Variants in NHEJ1 observed in about 807,000 individuals in gnomAD.
The protein encoded by NHEJ1 is non-homologous end joining factor 1, also known as non-homologous end-joining factor 1.
A neutral mutation model predicts 39.4 loss-of-function variants in NHEJ1; 22 were observed. The observed-to-expected ratio is 0.56, with a 90% CI of 0.40 to 0.80. The LOEUF (loss-of-function observed/expected upper bound fraction) is 0.80, where lower values mean the gene tolerates loss of function less well. Ranked by LOEUF, NHEJ1 falls within the 30% of genes least tolerant of loss-of-function variation. The pLI is 0.00. For synonymous variants in NHEJ1, 154 were observed against 135.6 expected (o/e 1.14, Z -0.94); for missense variants, 329 against 357.1 (o/e 0.92, Z 0.63).
chr2:219,157,516 G>A lies in NHEJ1; in HGVS notation c.346C>T (p.Pro116Ser). The change falls in exon 3 of 8, where the codon CCC (proline) becomes TCC (serine). Residue 116 changes from proline to serine, a missense_variant. Pro to Ser is a moderately conservative substitution (Grantham distance 74). Coordinates refer to ENST00000356853, the MANE Select transcript of NHEJ1 (RefSeq NM_024782.3). ...LRVRSELSGLPFYWNFHCMLA... is the reference protein window; with the variant it reads ...LRVRSELSGLSFYWNFHCMLA... ...ATGCAGTGGAAATTCCAATAGAAGG[G>A]GAGGCCAGAGAGCTCACTTCGCACC... 4 of 1,614,124 alleles carry A rather than the reference G, an allele frequency of 2.5e-6. No homozygotes were observed. The highest frequency in any genetic ancestry group is 3.4e-6 in the Non-Finnish European group (4 of 1,180,036).
chr2:219,146,879 G>A (rs1574741525), intron 4 of NHEJ1, 141 bp from the exon 5 acceptor site: 1 of 696,558 alleles, frequency 1.4e-6, no homozygotes, highest in East Asian at 2.7e-5. Context: ...AGTGGGAGAA[G>A]AAGGGCTGAG....
At chr2:219,076,661 A>C (rs1341156572) in intron 7 of NHEJ1, among the ~76,000 whole-genome samples, 5 of 146,236 alleles carry the variant, frequency 3.4e-5, no homozygotes, top group Non-Finnish European at 7.4e-5. Flanking sequence ...CGCCTGTCTC[A>C]GCCTCCAAAG....
intron 5 of NHEJ1, among the ~76,000 whole-genome samples, chr2:219,133,494 TCTG>T (rs1406966401): frequency 5.3e-5 from 8 of 152,198 alleles, no homozygotes; most frequent in Admixed American, 1.3e-4. Flanking sequence ...GCAAGACAGT[TCTG>T]CTCTTAAGAA....
At chr2:219,110,818 G>A (rs1380360322) in intron 5 of NHEJ1, among the ~76,000 whole-genome samples, 2 of 152,084 alleles carry the variant, frequency 1.3e-5, no homozygotes, top group East Asian at 1.9e-4. Flanking sequence ...GAAACAGGAA[G>A]GAGGCGGCCA....
intron 1 of NHEJ1, 117 bp downstream of exon 1, chr2:219,160,603 C>T (rs1269120449): frequency 1.3e-5 from 2 of 151,756 alleles, no homozygotes; most frequent in Admixed American, 6.6e-5. Flanking sequence ...CTGCCCTGGA[C>T]CCCGGCAGCG....
intron 5 of NHEJ1, among the ~76,000 whole-genome samples, chr2:219,121,014 T>A (rs1432639589): frequency 1.3e-5 from 2 of 152,100 alleles, no homozygotes; most frequent in African/African-American, 2.4e-5. Context: ...CTGACCAACA[T>A]GGTGAAACCC....
chr2:219,085,466 T>A (rs764764834), intron 5 of NHEJ1, among the ~76,000 whole-genome samples: 1 of 152,196 alleles, frequency 6.6e-6, no homozygotes, highest in African/African-American at 2.4e-5. Flanking sequence ...AAGGTCCGAA[T>A]GTGAAACTGA....
intron 5 of NHEJ1, among the ~76,000 whole-genome samples, chr2:219,131,531 G>A (rs1041452395): frequency 1.3e-5 from 2 of 152,150 alleles, no homozygotes; most frequent in African/African-American, 4.8e-5. Context: ...GCTTCAGGGG[G>A]TAGTTTACAT....
In NHEJ1 at chr2:219,121,570, G is replaced by C. The variant is rs566547114; in HGVS notation, c.588+25110C>G. Among the ~76,000 whole-genome samples, 12 of 152,252 alleles carry C rather than the reference G, an allele frequency of 7.9e-5. No individual in the cohort carries two copies. In the East Asian group the frequency reaches 1.9e-3, roughly 24 times the overall value. On this transcript the variant is annotated intron_variant, in intron 5 of 7. Transcript: ENST00000356853. ...AAAACCTCAAGAGCAGCTGGACACA[G>C]TGGCTCATACCTATAATCCTGGCAC... is the stretch of plus-strand genomic sequence containing the variant.
At chr2:219,100,084 C>A (rs962560997) in intron 5 of NHEJ1, among the ~76,000 whole-genome samples, 2 of 152,124 alleles carry the variant, frequency 1.3e-5, no homozygotes, top group African/African-American at 4.8e-5. Context: ...AGAAGGTGGA[C>A]ATAAAGTAAG....
intron 3 of NHEJ1, among the ~76,000 whole-genome samples, chr2:219,151,792 C>A (rs1167584982): frequency 6.6e-6 from 1 of 152,126 alleles, no homozygotes. Context: ...CATGGTGAAA[C>A]CCTGTCTCTA....
intron 3 of NHEJ1, 93 bp downstream of exon 3, chr2:219,157,379 A>C: frequency 8.9e-7 from 1 of 1,123,232 alleles, no homozygotes; most frequent in East Asian, 2.4e-5. Context: ...GAAGAATTTC[A>C]AACAAGGTTT....
chr2:219,153,688 GA>G (rs150681211), intron 3 of NHEJ1, among the ~76,000 whole-genome samples: 11,871 of 34,540 alleles, frequency 0.34, 1,535 homozygotes, highest in South Asian at 0.45. Flanking sequence ...GAAAAAGAAA[GA>G]AAAGGGGGGG....
At chr2:219,136,257 C>G (rs899142462) in intron 5 of NHEJ1, among the ~76,000 whole-genome samples, 25 of 146,474 alleles carry the variant, frequency 1.7e-4, no homozygotes, top group Admixed American at 7.5e-4. Flanking sequence ...GAGACAGTGT[C>G]TTTCTCATAA....
At chr2:219,145,085 C>T (rs965522209) in intron 5 of NHEJ1, among the ~76,000 whole-genome samples, 18 of 151,880 alleles carry the variant, frequency 1.2e-4, no homozygotes, top group African/African-American at 2.7e-4. Flanking sequence ...TGTGGTGGTG[C>T]GCACCTGTAA....
intron 5 of NHEJ1, among the ~76,000 whole-genome samples, chr2:219,129,910 G>A (rs930839309): frequency 3.0e-4 from 46 of 151,728 alleles, no homozygotes; most frequent in African/African-American, 9.9e-4. Flanking sequence ...TTTTACTGCC[G>A]AGGTTTCTCT....
chr2:219,113,824 G>C (rs1254910568), intron 5 of NHEJ1, among the ~76,000 whole-genome samples: 1 of 152,048 alleles, frequency 6.6e-6, no homozygotes, highest in Non-Finnish European at 1.5e-5. Flanking sequence ...CTAGAAAAGG[G>C]AGATTTATCA....
Position 219,157,991 on chromosome 2 carries a change from TCACACACACACACACACACACACA to T in NHEJ1, c.177+171_177+194del, listed in dbSNP as rs58103413. ...CTTTCTTTCTCTCTCTCTCTCTCTC[TCACACACACACACACACACACACA>T]CACACACACACACACACACACACAA... On this transcript the variant is annotated intron_variant, in intron 2 of 7. Transcript: ENST00000356853. 5.0e-3 allele frequency among the ~76,000 whole-genome samples: 500 copies of T among 99,274 alleles called. 2 individuals are homozygous for T. Among genetic ancestry groups the T allele is most frequent in the African/African-American group, 0.016 (477 of 29,612 alleles). The allele number at this position is 99,274 out of a possible 152,430, so 65.1% of individuals were successfully genotyped here.
intron 5 of NHEJ1, among the ~76,000 whole-genome samples, chr2:219,085,592 A>C (rs1949104570): frequency 6.6e-6 from 1 of 152,212 alleles, no homozygotes; most frequent in African/African-American, 2.4e-5. Context: ...GCCATGCTCT[A>C]TGATTAGCCT....
Sources: gnomAD v4.1 joint callset for allele counts (sites outside exome capture counted in the v4.1 genomes callset) on GRCh38, gnomAD v4.1.1 for gene constraint, MANE v1.5 for transcripts, NCBI Gene and HGNC (gene_info 2026-07-23, HGNC 2026-07-21) for gene names.